HERC1: variants seen among roughly 807,000 people sequenced by gnomAD.
The protein encoded by HERC1 is HECT and RLD domain containing E3 ubiquitin protein ligase family member 1.
In HERC1, 160 loss-of-function variants were observed where a neutral mutation model predicts 554.3. That is an observed-to-expected ratio of 0.29 (90% CI 0.25 to 0.33). The LOEUF (loss-of-function observed/expected upper bound fraction) is 0.33, where lower values mean the gene tolerates loss of function less well. HERC1 is among the 10% of genes least tolerant of loss of function. HERC1 has a pLI of 1.00. For synonymous variants in HERC1, 2,175 were observed against 2,131.7 expected, an observed-to-expected ratio of 1.02 and a Z score of -0.56; for missense variants, 4,919 against 5,918.5, an observed-to-expected ratio of 0.83 and a Z score of 5.54.
intron 12 of HERC1, among the ~76,000 whole-genome samples, chr15:63,743,263 CTTTTTT>C (rs71131177): frequency 1.7e-4 from 19 of 109,186 alleles, no homozygotes; most frequent in African/African-American, 4.3e-4. Flanking sequence ...TTTTCTTTTT[CTTTTTT>C]TTTTTTTTTT....
At chr15:63,703,396 A>G (rs914247281) in intron 25 of HERC1, among the ~76,000 whole-genome samples, 1 of 152,230 alleles carries the variant, frequency 6.6e-6, no homozygotes, top group Non-Finnish European at 1.5e-5. Context: ...GCAGCTGAAA[A>G]TGTGTATACA....
At position 63,645,054 on chromosome 15, in the gene HERC1, C is replaced by T. The variant is rs182628640; in HGVS notation, c.11122G>A (p.Asp3708Asn). ...CTAGTCACATTGGTCTGTGTAGTATCTTGAGGAATGCGCCAAACACATACT... is the reference window on the plus strand; with the variant it reads ...CTAGTCACATTGGTCTGTGTAGTATTTTGAGGAATGCGCCAAACACATACT... ...GLVCVWRIPQ[D>N]TTQTNVTSAE... is the part of the protein sequence containing the mutation. The change falls in exon 57 of 78, where the codon GAT (aspartate) becomes AAT (asparagine). Residue 3708 changes from aspartate (D) to asparagine (N), a missense_variant. This residue lies in a region of HERC1 where 1,963 missense variants were observed against 2,228.6 expected (regional missense o/e 0.88). Coordinates refer to ENST00000443617, the MANE Select transcript of HERC1 (RefSeq NM_003922.4). The T allele has an allele frequency of 8.1e-6, 13 of 1,613,790 alleles. No individual in the cohort carries two copies. The East Asian group carries it at 2.9e-4, about 36-fold the overall frequency.
At chr15:63,661,048 T>C (rs539121928) in intron 45 of HERC1, 23 bp from the exon 46 acceptor site, 2 of 1,589,274 alleles carry the variant, frequency 1.3e-6, no homozygotes. Flanking sequence ...TGAAGAACAT[T>C]GCATTTTTAT....
intron 25 of HERC1, 107 bp downstream of exon 25, chr15:63,706,673 A>T: frequency 1.7e-6 from 1 of 586,600 alleles, no homozygotes; most frequent in Non-Finnish European, 2.9e-6. Flanking sequence ...ATATCTAAAT[A>T]CATCAGATAT....
rs1306039685 is a variant in HERC1 at position 63,677,371 on chromosome 15, T to TA, written c.7070+473dup. On this transcript the variant is annotated intron_variant, in intron 37 of 77. Coordinates refer to ENST00000443617, the MANE Select transcript of HERC1 (RefSeq NM_003922.4). The surrounding 1 kb of genome is among the most constrained non-coding windows in gnomAD (Gnocchi z 4.4). ...GAGGGGATAGAAATATGTGGTTTTA[T>TA]AAAAAGGAAGAATACTTAAAATTAC... Among the ~76,000 whole-genome samples, 4 of 152,200 alleles carry TA rather than the reference T, an allele frequency of 2.6e-5. No individual in the cohort carries two copies. The highest frequency in any genetic ancestry group is 5.9e-5 in the Non-Finnish European group (4 of 68,034).
At chr15:63,805,010 A>C (rs1214796561) in intron 1 of HERC1, among the ~76,000 whole-genome samples, 3 of 152,192 alleles carry the variant, frequency 2.0e-5, no homozygotes, top group African/African-American at 7.2e-5. Flanking sequence ...GACATGGGAA[A>C]CTGCTTGGCA....
intron 74 of HERC1, among the ~76,000 whole-genome samples, chr15:63,620,309 TGA>T (rs2089070931): frequency 6.6e-6 from 1 of 152,088 alleles, no homozygotes; most frequent in South Asian, 2.1e-4. Context: ...CGGTTTTGAG[TGA>T]GTTTCTTAAT....
At chr15:63,654,000 G>A in intron 51 of HERC1, 119 bp downstream of exon 51, 1 of 730,228 alleles carries the variant, frequency 1.4e-6, no homozygotes. Context: ...ATGTGTATGT[G>A]TACGTGTGAA....
At chr15:63,653,675 T>C (rs1595899293) in intron 51 of HERC1, among the ~76,000 whole-genome samples, 1 of 152,242 alleles carries the variant, frequency 6.6e-6, no homozygotes, top group African/African-American at 2.4e-5. Context: ...AATCATCTCA[T>C]GATTACTTTA....
At chr15:63,797,048 A>G (rs1253683773) in intron 1 of HERC1, among the ~76,000 whole-genome samples, 2 of 152,184 alleles carry the variant, frequency 1.3e-5, no homozygotes, top group Non-Finnish European at 2.9e-5. Flanking sequence ...GGGGCCATTC[A>G]GATGGTTAGA....
At chr15:63,609,464 T>C (rs1823586189) in intron 77 of HERC1, among the ~76,000 whole-genome samples, 198 bp from the exon 78 acceptor site, 2 of 152,238 alleles carry the variant, frequency 1.3e-5, no homozygotes, top group Admixed American at 1.3e-4. Context: ...TGGGTGAAGA[T>C]GTTCCTTCTT....
chr15:63,764,774 G>C (rs1224301189), intron 2 of HERC1, among the ~76,000 whole-genome samples: 1 of 152,172 alleles, frequency 6.6e-6, no homozygotes, highest in African/African-American at 2.4e-5. Flanking sequence ...ATTGACTGCA[G>C]CCAGCACCAG....
At chr15:63,810,119 T>TACTA (rs1463261931) in intron 1 of HERC1, among the ~76,000 whole-genome samples, 3 of 152,212 alleles carry the variant, frequency 2.0e-5, no homozygotes, top group African/African-American at 7.2e-5. Context: ...TACTATGATA[T>TACTA]ACTAAGTTAA....
intron 70 of HERC1, among the ~76,000 whole-genome samples, chr15:63,628,448 T>C (rs2068402794): frequency 6.6e-6 from 1 of 152,204 alleles, no homozygotes; most frequent in Non-Finnish European, 1.5e-5. Context: ...GTAATATGTA[T>C]TCTGCTTTTG....
intron 55 of HERC1, among the ~76,000 whole-genome samples, chr15:63,646,631 C>G (rs919748036): frequency 3.3e-5 from 5 of 151,078 alleles, no homozygotes; most frequent in African/African-American, 1.2e-4. Flanking sequence ...GAAACCCCGT[C>G]TCTAGTAAAA....
At chr15:63,753,993 G>A (rs1190556891) in intron 7 of HERC1, among the ~76,000 whole-genome samples, 1 of 152,022 alleles carries the variant, frequency 6.6e-6, no homozygotes, top group Non-Finnish European at 1.5e-5. Flanking sequence ...GGGCAATAAA[G>A]CAAAATCCTG....
chr15:63,637,404 T>C (rs2068829530), intron 64 of HERC1, 101 bp downstream of exon 64: 2 of 935,306 alleles, frequency 2.1e-6, no homozygotes, highest in African/African-American at 3.3e-5. Flanking sequence ...AAACCTGATA[T>C]GATTTTATCT....
chr15:63,712,731 C>T (rs2073365434), intron 24 of HERC1, 44 bp downstream of exon 24: 1 of 1,591,070 alleles, frequency 6.3e-7, no homozygotes, highest in Non-Finnish European at 8.6e-7. Flanking sequence ...TATCATATAC[C>T]TTGAAAACAA....
Position 63,659,888 on chromosome 15 carries a change from T to C in HERC1, c.9272A>G (p.Glu3091Gly). The C allele has an allele frequency of 6.2e-7, 1 of 1,613,886 alleles. No homozygotes were observed. The highest frequency in any genetic ancestry group is 1.1e-5 in the South Asian group (1 of 91,056). Residue 3091 changes from glutamate to glycine, a missense_variant, in exon 47 of 78, where the codon GAA (glutamate) becomes GGA (glycine). Coordinates refer to ENST00000443617, the MANE Select transcript of HERC1 (RefSeq NM_003922.4). ...DVDEDEKLTG[E>G]EEFELLAGPL... ...TCCAGCAAGTAATTCAAATTCTTCT[T>C]CACCAGTTAGCTTTTCATCTTCATC...
Sources: allele counts gnomAD v4.1 joint callset (sites outside exome capture counted in the v4.1 genomes callset), GRCh38; gene constraint gnomAD v4.1.1; regional missense constraint gnomAD v4.1.1; non-coding constraint Gnocchi (gnomAD v3.1); transcripts MANE v1.5; gene names NCBI Gene and HGNC (gene_info 2026-07-23, HGNC 2026-07-21).